MCM10: variants seen among roughly 807,000 people sequenced by gnomAD.
MCM10 encodes the protein protein MCM10 homolog.
A neutral mutation model predicts 109.9 loss-of-function variants in MCM10; 91 were observed. The ratio of observed to expected loss-of-function variants is 0.83; its 90% CI spans 0.70 to 0.99. The LOEUF (loss-of-function observed/expected upper bound fraction) is 0.99, where lower values mean the gene tolerates loss of function less well. Among genes scored for constraint, MCM10 ranks in the 50% least tolerant of loss-of-function variants. The probability of loss-of-function intolerance (pLI) is 0.00; values close to 1 mark genes in which losing one functional copy is unlikely to be tolerated. For missense variants in MCM10, 1,077 were observed against 1,061.2 expected (o/e 1.01, Z -0.21); for synonymous variants, 380 against 387.2 (o/e 0.98, Z 0.22).
rs914012862 is a variant in MCM10, at chr10:13,172,780, G to A, written c.592+15G>A. Reference sequence around the variant, plus strand: ...TTCACCTCCAGGTGTAGTACTTGCGGTCTCAGTATCTTGGCACTATTGTAT... The same window carrying A: ...TTCACCTCCAGGTGTAGTACTTGCGATCTCAGTATCTTGGCACTATTGTAT... On this transcript the variant is annotated intron_variant, in intron 5 of 19. Coordinates refer to ENST00000378714, the MANE Select transcript of MCM10 (RefSeq NM_018518.5). The surrounding 1 kb of genome is among the most constrained non-coding windows in gnomAD (Gnocchi z 5.2). 6.2e-7 allele frequency: 1 copy of A among 1,613,582 alleles called. No individual in the cohort carries two copies. Among genetic ancestry groups the A allele is most frequent in the Non-Finnish European group, 8.5e-7 (1 of 1,179,850 alleles).
intron 3 of MCM10, 67 bp downstream of exon 3, chr10:13,171,330 T>C (rs946982192): frequency 3.7e-6 from 5 of 1,367,678 alleles, no homozygotes; most frequent in African/African-American, 2.9e-5. Flanking sequence ...AATCTGATAG[T>C]TGTCATCAAA....
chr10:13,195,356 T>C (rs1564390913), intron 14 of MCM10, 87 bp downstream of exon 14: 3 of 948,380 alleles, frequency 3.2e-6, no homozygotes, highest in East Asian at 2.6e-5. Flanking sequence ...TAGCTCTTTA[T>C]TGATCGTGAT....
chr10:13,182,575 C>G lies in MCM10; in HGVS notation c.931-358C>G, dbSNP rs1432704755. Among the ~76,000 whole-genome samples, 1 of 152,128 alleles carries G rather than the reference C, an allele frequency of 6.6e-6. No individual in the cohort carries two copies. Among genetic ancestry groups the G allele is most frequent in the Non-Finnish European group, 1.5e-5 (1 of 68,034 alleles). ...TCAGTAAGTTATTAAATGGTACTGT[C>G]ATACCTTCCACTGTCCTTTTAATGA... On this transcript the variant is annotated intron_variant, in intron 7 of 19. Coordinates refer to ENST00000378714, the MANE Select transcript of MCM10 (RefSeq NM_018518.5). The surrounding 1 kb of genome is among the most constrained non-coding windows in gnomAD (Gnocchi z 4.2).
intron 2 of MCM10, among the ~76,000 whole-genome samples, chr10:13,167,845 A>G (rs1191951731): frequency 1.3e-5 from 2 of 152,228 alleles, no homozygotes; most frequent in Non-Finnish European, 2.9e-5. Flanking sequence ...TTTCCATTCA[A>G]GAGGCTTCCA....
chr10:13,207,190 T>C (rs1886277), intron 18 of MCM10, among the ~76,000 whole-genome samples: 116,375 of 151,984 alleles, frequency 0.77, 45,047 homozygotes, highest in Non-Finnish European at 0.83. Flanking sequence ...CCAGATGATC[T>C]GTCACAACCA....
intron 16 of MCM10, among the ~76,000 whole-genome samples, chr10:13,199,759 T>C (rs754533274): frequency 2.0e-4 from 30 of 152,202 alleles, no homozygotes; most frequent in Non-Finnish European, 2.2e-4. Context: ...CTTGGACTTA[T>C]CAGTGTAAAT....
At chr10:13,186,424 G>A in intron 9 of MCM10, 144 bp downstream of exon 9, 1 of 552,510 alleles carries the variant, frequency 1.8e-6, no homozygotes, top group Non-Finnish European at 3.2e-6. Context: ...TTAATGTGTG[G>A]TTAATAACTG....
At chr10:13,191,048 T>A (rs181644345) in intron 10 of MCM10, among the ~76,000 whole-genome samples, 24 of 152,308 alleles carry the variant, frequency 1.6e-4, no homozygotes, top group African/African-American at 5.3e-4. Context: ...GCTTTTTTTT[T>A]ATTTCTTTTG....
In MCM10 at chr10:13,199,262, T is replaced by C. The variant is rs576500975; in HGVS notation, c.2238+455T>C. ...ATATGTCAGTTTGTTTGAGTTTGCT[T>C]TGAAGAACAGGAGAATTTCTAATAA... On this transcript the variant is annotated intron_variant, in intron 16 of 19. Coordinates refer to ENST00000378714, the MANE Select transcript of MCM10 (RefSeq NM_018518.5). 9.2e-5 allele frequency among the ~76,000 whole-genome samples: 14 copies of C among 152,354 alleles called. 1 individual carries two copies. The highest frequency in any genetic ancestry group is 9.1e-4 in the Admixed American group (14 of 15,312).
chr10:13,182,541 T>G lies in MCM10; in HGVS notation c.931-392T>G, dbSNP rs1834221825. ...ATAGATTTACTCATTTACCTAATATTGATTCATATCAGTAAGTTATTAAAT... is the reference window on the plus strand; with the variant it reads ...ATAGATTTACTCATTTACCTAATATGGATTCATATCAGTAAGTTATTAAAT... On this transcript the variant is annotated intron_variant, in intron 7 of 19. Transcript: ENST00000378714. The surrounding 1 kb of genome is among the most constrained non-coding windows in gnomAD (Gnocchi z 4.2). 6.6e-6 allele frequency among the ~76,000 whole-genome samples: 1 copy of G among 152,174 alleles called. No homozygotes were observed. Among genetic ancestry groups the G allele is most frequent in the South Asian group, 2.1e-4 (1 of 4,814 alleles).
chr10:13,198,486 A>C (rs1164114452), intron 15 of MCM10, among the ~76,000 whole-genome samples: 1 of 152,188 alleles, frequency 6.6e-6, no homozygotes, highest in African/African-American at 2.4e-5. Flanking sequence ...ATTTAGTGGT[A>C]AAATCTGCCA....
chr10:13,201,363 CT>C lies in MCM10; in HGVS notation c.2239-57del. 4.0e-6 allele frequency: 4 copies of C among 988,308 alleles called. No homozygotes were observed. The Admixed American group carries it at 7.6e-5, about 19-fold the overall frequency. 61.2% of individuals were successfully genotyped at this position (988,308 alleles called of 1,614,324 possible). ...TAATCATCGAGTTACTCTTACTGTG[CT>C]GCCTGAGTGCATACTGGATTTAGTA... On this transcript the variant is annotated intron_variant, in intron 16 of 19. Coordinates refer to ENST00000378714, the MANE Select transcript of MCM10 (RefSeq NM_018518.5).
intron 18 of MCM10, among the ~76,000 whole-genome samples, chr10:13,207,891 AG>A (rs1312054086): frequency 6.6e-6 from 1 of 152,170 alleles, no homozygotes; most frequent in Non-Finnish European, 1.5e-5. Context: ...GGTAAGGGGA[AG>A]GGGAGACAGG....
At chr10:13,175,269 C>CA (rs1295427822) in intron 5 of MCM10, among the ~76,000 whole-genome samples, 1 of 152,018 alleles carries the variant, frequency 6.6e-6, no homozygotes, top group South Asian at 2.1e-4. Flanking sequence ...CCCGTCTCTA[C>CA]AAAAAATACA....
At chr10:13,207,736 C>T (rs1308746616) in intron 18 of MCM10, among the ~76,000 whole-genome samples, 1 of 152,180 alleles carries the variant, frequency 6.6e-6, no homozygotes, top group African/African-American at 2.4e-5. Flanking sequence ...GCTCTTCCTT[C>T]GTCTTCCACC....
intron 10 of MCM10, among the ~76,000 whole-genome samples, chr10:13,190,554 A>AGTAGTCC (rs1834334334): frequency 6.6e-6 from 1 of 152,070 alleles, no homozygotes; most frequent in Non-Finnish European, 1.5e-5. Context: ...GCATGGTGGC[A>AGTAGTCC]CATGCCTGTA....
At position 13,195,028 on chromosome 10, in the gene MCM10, ATGTT is replaced by A; in HGVS notation, c.1746-12_1746-9del. The A allele has an allele frequency of 6.2e-7, 1 of 1,608,158 alleles. No individual in the cohort carries two copies. The highest frequency in any genetic ancestry group is 1.7e-4 in the Middle Eastern group (1 of 6,040). Reference sequence around the variant, plus strand: ...AACCCTGTTTGCGTATTTTGACTGTATGTTCTTTAAAGATTTCTGCAGAGCTCAA... The same window carrying A: ...AACCCTGTTTGCGTATTTTGACTGTACTTTAAAGATTTCTGCAGAGCTCAA... On this transcript the variant is annotated splice_polypyrimidine_tract_variant and intron_variant, in intron 13 of 19. Transcript: ENST00000378714.
chr10:13,192,461 G>A lies in MCM10; in HGVS notation c.1638G>A (p.Gly546=), dbSNP rs372703887. 9 of 1,614,078 alleles carry A rather than the reference G, an allele frequency of 5.6e-6. No homozygotes were observed. The African/African-American group carries it at 9.3e-5, about 17-fold the overall frequency. Residue 546 remains glycine, a synonymous_variant, in exon 13 of 20, where the codon GGG becomes GGA. Coordinates refer to ENST00000378714, the MANE Select transcript of MCM10 (RefSeq NM_018518.5). ...LAKATASGIM[G]SPKPAIKSIS... ...GGGCTTCTGTTTCAGGGATTATGGG[G>A]AGCCCAAAACCAGCCATCAAGTCCA...
intron 9 of MCM10, among the ~76,000 whole-genome samples, chr10:13,188,167 G>GT: frequency 6.6e-6 from 1 of 152,044 alleles, no homozygotes; most frequent in South Asian, 2.1e-4. Flanking sequence ...CATTGTCGCC[G>GT]TAACTACTGT....
Sources: gnomAD v4.1 joint callset for allele counts (sites outside exome capture counted in the v4.1 genomes callset) on GRCh38, gnomAD v4.1.1 for gene constraint, Gnocchi (gnomAD v3.1) non-coding constraint, MANE v1.5 for transcripts, NCBI Gene and HGNC (gene_info 2026-07-23, HGNC 2026-07-21) for gene names.